The following TTC33 variants were observed in gnomAD, a reference collection of about 807,000 sequenced individuals.
TTC33 encodes tetratricopeptide repeat protein 33.
TTC33 carries 24 observed loss-of-function variants against 29.4 expected under a neutral mutation model. The observed-to-expected ratio is 0.82, with a 90% CI of 0.59 to 1.15. TTC33 has a LOEUF of 1.15. Among genes scored for constraint, TTC33 ranks in the 50% most tolerant of loss-of-function variants. The probability of loss-of-function intolerance (pLI) is 0.00; values close to 1 mark genes in which losing one functional copy is unlikely to be tolerated. For missense variants in TTC33, 286 were observed against 310.4 expected (o/e 0.92, Z 0.59); for synonymous variants, 107 against 100.3 (o/e 1.07, Z -0.40).
chr5:40,751,596 T>C (rs751435527), intron 1 of TTC33, among the ~76,000 whole-genome samples: 19 of 152,346 alleles, frequency 1.2e-4, no homozygotes, highest in Middle Eastern at 3.4e-3. Context: ...AAGCCAAGCA[T>C]TGACTTCTCT....
rs190021341 is a variant in TTC33, at chr5:40,732,739, G to A, written c.222-2396C>T. ...TTCTCCTGCCTCAGCCCCCCGAGTG[G>A]CTGGGACTACAGGCACATGCCACCA... On this transcript the variant is annotated intron_variant, in intron 2 of 4. Coordinates refer to ENST00000337702, the MANE Select transcript of TTC33 (RefSeq NM_012382.3). 5.0e-3 allele frequency among the ~76,000 whole-genome samples: 754 copies of A among 152,092 alleles called. 5 individuals carry two copies. The highest frequency in any genetic ancestry group is 0.017 in the African/African-American group (717 of 41,472).
rs1455703316 is a variant in TTC33 at position 40,712,320 on chromosome 5, T to C, written c.*3825A>G. Among the ~76,000 whole-genome samples the C allele has an allele frequency of 6.6e-6, 1 of 152,192 alleles. No homozygotes were observed. Among genetic ancestry groups the C allele is most frequent in the African/African-American group, 2.4e-5 (1 of 41,464 alleles). ...AAGAATTCCCACATGTGGTTTTTAA[T>C]ATATCTCATGCTTACTTCGAAATAT... On this transcript the variant is annotated 3_prime_UTR_variant, in exon 5 of 5. Transcript: ENST00000337702.
At chr5:40,731,413 G>C (rs1179879303) in intron 2 of TTC33, among the ~76,000 whole-genome samples, 1 of 152,106 alleles carries the variant, frequency 6.6e-6, no homozygotes, top group East Asian at 1.9e-4. Context: ...CTGCAATAAA[G>C]AACTGCCCAA....
At chr5:40,747,156 T>A (rs1429231360) in intron 1 of TTC33, 137 bp from the exon 2 acceptor site, 2 of 700,266 alleles carry the variant, frequency 2.9e-6, no homozygotes, top group Middle Eastern at 4.1e-4. Flanking sequence ...CCTCCCGGGT[T>A]AAGTGATTCT....
chr5:40,739,944 TA>T (rs955050145), intron 2 of TTC33, among the ~76,000 whole-genome samples: 1 of 151,926 alleles, frequency 6.6e-6, no homozygotes, highest in Non-Finnish European at 1.5e-5. Flanking sequence ...TGCTTTTTTT[TA>T]AAAATAAAGT....
chr5:40,744,739 A>C (rs1742760040), intron 2 of TTC33, among the ~76,000 whole-genome samples: 2 of 152,220 alleles, frequency 1.3e-5, no homozygotes, highest in East Asian at 3.9e-4. Flanking sequence ...AACAATTCTT[A>C]TACTGTCAAG....
intron 1 of TTC33, among the ~76,000 whole-genome samples, chr5:40,747,453 G>A (rs988967780): frequency 6.6e-6 from 1 of 152,166 alleles, no homozygotes; most frequent in Non-Finnish European, 1.5e-5. Context: ...ATTAGTGGCT[G>A]TAGGCAATAA....
chr5:40,736,032 G>A (rs1209908607), intron 2 of TTC33, among the ~76,000 whole-genome samples: 2 of 152,170 alleles, frequency 1.3e-5, no homozygotes, highest in African/African-American at 2.4e-5. Context: ...AAGAAGGACC[G>A]AGAGAAAAGA....
At chr5:40,722,815 T>TG (rs869026888) in intron 4 of TTC33, among the ~76,000 whole-genome samples, 1 of 142,918 alleles carries the variant, frequency 7.0e-6, no homozygotes, top group South Asian at 2.2e-4. Context: ...ATCCGGGAGG[T>TG]GGGGGGCGCA....
chr5:40,721,587 A>G (rs943271724), intron 4 of TTC33, among the ~76,000 whole-genome samples: 12 of 152,148 alleles, frequency 7.9e-5, no homozygotes, highest in African/African-American at 2.4e-4. Flanking sequence ...CTCATCTTAC[A>G]CCATAAACAA....
chr5:40,731,495 T>C (rs550462971), intron 2 of TTC33, among the ~76,000 whole-genome samples: 14 of 152,268 alleles, frequency 9.2e-5, no homozygotes, highest in African/African-American at 3.1e-4. Flanking sequence ...CTCAGGAAAC[T>C]TACAAGGATG....
At chr5:40,722,939 A>G (rs1742182586) in intron 4 of TTC33, among the ~76,000 whole-genome samples, 2 of 152,150 alleles carry the variant, frequency 1.3e-5, no homozygotes, top group East Asian at 3.9e-4. Flanking sequence ...TGGGAGGTGT[A>G]CCCAACAGCT....
chr5:40,732,902 C>T (rs1742465208), intron 2 of TTC33, among the ~76,000 whole-genome samples: 1 of 152,112 alleles, frequency 6.6e-6, no homozygotes. Flanking sequence ...GCCACCGCGC[C>T]CGGCCTAATA....
At chr5:40,745,551 G>A (rs557277288) in intron 2 of TTC33, among the ~76,000 whole-genome samples, 166 of 151,688 alleles carry the variant, frequency 1.1e-3, no homozygotes, top group Non-Finnish European at 1.8e-3. Flanking sequence ...TGGAGACAGC[G>A]TCTCACTCTG....
intron 1 of TTC33, among the ~76,000 whole-genome samples, chr5:40,753,500 TAAGG>T (rs918240279): frequency 6.6e-6 from 1 of 152,106 alleles, no homozygotes; most frequent in Non-Finnish European, 1.5e-5. Context: ...TGCTGGGGAA[TAAGG>T]ACAATGCAAA....
chr5:40,719,320 T>C (rs942551991), intron 4 of TTC33, among the ~76,000 whole-genome samples: 6 of 152,258 alleles, frequency 3.9e-5, no homozygotes, highest in Non-Finnish European at 7.3e-5. Context: ...CATACAGCCT[T>C]TTATGTCTGG....
rs137963090 is a variant in TTC33, at chr5:40,712,279, AC to A, written c.*3865del. Among the ~76,000 whole-genome samples the A allele has an allele frequency of 5.2e-3, 789 of 152,200 alleles. 7 individuals carry two copies. The highest frequency in any genetic ancestry group is 0.011 in the South Asian group (52 of 4,824). On this transcript the variant is annotated 3_prime_UTR_variant, in exon 5 of 5. Coordinates refer to ENST00000337702, the MANE Select transcript of TTC33 (RefSeq NM_012382.3). ...ATAGAATTTCCATTATTTAAAAAAA[AC>A]CTCTAAAATTAGGAAAGAATTCCCA...
chr5:40,750,496 T>A (rs2111940501), intron 1 of TTC33, among the ~76,000 whole-genome samples: 1 of 152,140 alleles, frequency 6.6e-6, no homozygotes, highest in African/African-American at 2.4e-5. Flanking sequence ...AGGTTAAGGC[T>A]GCAGTGAGCC....
intron 1 of TTC33, among the ~76,000 whole-genome samples, chr5:40,751,787 T>C (rs1037303050): frequency 1.3e-5 from 2 of 152,000 alleles, no homozygotes; most frequent in African/African-American, 2.4e-5. Flanking sequence ...TGAAGCCCTG[T>C]CTCTACTAAA....
Sources: allele counts gnomAD v4.1 joint callset (sites outside exome capture counted in the v4.1 genomes callset), GRCh38; gene constraint gnomAD v4.1.1; transcripts MANE v1.5; gene names NCBI Gene and HGNC (gene_info 2026-07-23, HGNC 2026-07-21).